Variants in GPC6 observed in about 807,000 individuals in gnomAD.
GPC6 encodes glypican-6.
GPC6 carries 14 observed loss-of-function variants against 55.2 expected under a neutral mutation model. The ratio of observed to expected loss-of-function variants is 0.25; its 90% CI spans 0.17 to 0.40. The LOEUF is 0.40. Ranked by LOEUF, GPC6 falls within the 10% of genes least tolerant of loss-of-function variation. The pLI is 1.00. For missense variants in GPC6, 641 were observed against 708.5 expected (o/e 0.90, Z 1.08); for synonymous variants, 278 against 259.6 (o/e 1.07, Z -0.68).
chr13:93,682,396 T>G (rs1230650177), intron 2 of GPC6, among the ~76,000 whole-genome samples: 1 of 152,096 alleles, frequency 6.6e-6, no homozygotes, highest in Admixed American at 6.6e-5. Context: ...TGGACCCTTA[T>G]GCGTACACAC....
intron 2 of GPC6, among the ~76,000 whole-genome samples, chr13:93,817,055 C>G (rs1342932928): frequency 1.3e-5 from 2 of 152,078 alleles, no homozygotes; most frequent in Non-Finnish European, 2.9e-5. Context: ...AGCATCAATC[C>G]TCATAGAATC....
At chr13:94,294,685 A>G (rs1300820951) in intron 5 of GPC6, among the ~76,000 whole-genome samples, 6 of 151,950 alleles carry the variant, frequency 3.9e-5, no homozygotes, top group Non-Finnish European at 8.8e-5. Flanking sequence ...GGAAAATAAT[A>G]TCTTGGAAAT....
At chr13:93,470,587 G>T (rs1879075721) in intron 1 of GPC6, among the ~76,000 whole-genome samples, 2 of 151,830 alleles carry the variant, frequency 1.3e-5, no homozygotes, top group Non-Finnish European at 2.9e-5. Context: ...TTACTTTTTT[G>T]TTCTTGTTTT....
chr13:93,612,169 A>G (rs1209897260), intron 2 of GPC6, among the ~76,000 whole-genome samples: 2 of 152,162 alleles, frequency 1.3e-5, no homozygotes, highest in Non-Finnish European at 2.9e-5. Context: ...TTGTGTTGCT[A>G]TAGTTTCCTT....
intron 1 of GPC6, among the ~76,000 whole-genome samples, chr13:93,493,616 G>C (rs1440186827): frequency 7.3e-6 from 1 of 137,492 alleles, no homozygotes; most frequent in African/African-American, 2.7e-5. Flanking sequence ...TGTGATGTTA[G>C]GGTGTCAATT....
At chr13:93,793,355 C>T (rs900342702) in intron 2 of GPC6, among the ~76,000 whole-genome samples, 1 of 152,168 alleles carries the variant, frequency 6.6e-6, no homozygotes, top group Non-Finnish European at 1.5e-5. Context: ...CTGTGAGATA[C>T]TAAACTATTC....
intron 4 of GPC6, among the ~76,000 whole-genome samples, chr13:94,076,810 A>G (rs182666318): frequency 2.1e-4 from 32 of 151,762 alleles, no homozygotes; most frequent in Middle Eastern, 3.4e-3. Context: ...TTATTTCTGG[A>G]ATCTCTATTC....
intron 4 of GPC6, among the ~76,000 whole-genome samples, chr13:94,165,649 A>T (rs573275393): frequency 1.5e-3 from 226 of 151,390 alleles, no homozygotes; most frequent in African/African-American, 3.8e-3. Context: ...GGAAATAAAA[A>T]TTTTTTTTAA....
rs538257430 is a variant in GPC6 at position 94,239,672 on chromosome 13, G to A, written c.878-46677G>A. 5.3e-5 allele frequency among the ~76,000 whole-genome samples: 8 copies of A among 152,202 alleles called. No individual in the cohort carries two copies. In the South Asian group the frequency reaches 1.5e-3, roughly 28 times the overall value. ...ATGTGAATTATGAATTTATTCTTGC[G>A]AAATGATAGTTTCCTGGGAATCTTA... On this transcript the variant is annotated intron_variant, in intron 4 of 8. Coordinates refer to ENST00000377047, the MANE Select transcript of GPC6 (RefSeq NM_005708.5).
chr13:93,630,692 T>C (rs753116569), intron 2 of GPC6, among the ~76,000 whole-genome samples: 1 of 152,172 alleles, frequency 6.6e-6, no homozygotes, highest in Non-Finnish European at 1.5e-5. Flanking sequence ...GGATAATCTA[T>C]AGCAGCAACT....
intron 2 of GPC6, among the ~76,000 whole-genome samples, chr13:93,661,948 G>C (rs1880939007): frequency 6.6e-6 from 1 of 152,128 alleles, no homozygotes; most frequent in Non-Finnish European, 1.5e-5. Flanking sequence ...TTTTCAATGA[G>C]AGTAGCCATG....
chr13:93,223,344 T>G (rs1427249016), upstream of GPC6, among the ~76,000 whole-genome samples: 2 of 152,172 alleles, frequency 1.3e-5, no homozygotes, highest in East Asian at 3.9e-4. Flanking sequence ...CCAGCTGGGA[T>G]GTGAAAGTAC....
At chr13:93,447,850 G>T (rs1363648063) in intron 1 of GPC6, among the ~76,000 whole-genome samples, 1 of 152,110 alleles carries the variant, frequency 6.6e-6, no homozygotes, top group Non-Finnish European at 1.5e-5. Context: ...TTATCAAAGG[G>T]TTTTTCAGAA....
rs183298983 is a variant in GPC6 at position 93,853,912 on chromosome 13, C to G, written c.711+23367C>G. On this transcript the variant is annotated intron_variant, in intron 3 of 8. Coordinates refer to ENST00000377047, the MANE Select transcript of GPC6 (RefSeq NM_005708.5). Reference sequence around the variant, plus strand: ...AGTCAATGAAACACAGTAACATGTTCACAGGGACAAGATAAAATGACTGTA... The same window carrying G: ...AGTCAATGAAACACAGTAACATGTTGACAGGGACAAGATAAAATGACTGTA... Among the ~76,000 whole-genome samples, 311 of 151,738 alleles carry G rather than the reference C, an allele frequency of 2.0e-3. 2 individuals are homozygous for G. Among genetic ancestry groups the G allele is most frequent in the African/African-American group, 7.3e-3 (303 of 41,458 alleles).
intron 5 of GPC6, among the ~76,000 whole-genome samples, chr13:94,294,308 A>G (rs895179038): frequency 4.6e-5 from 7 of 152,176 alleles, no homozygotes; most frequent in African/African-American, 1.2e-4. Flanking sequence ...TTACATTCCA[A>G]TTGAAACCAT....
At chr13:93,309,906 TA>T (rs1879007635) in intron 1 of GPC6, among the ~76,000 whole-genome samples, 1 of 152,226 alleles carries the variant, frequency 6.6e-6, no homozygotes, top group African/African-American at 2.4e-5. Flanking sequence ...TAAGAGCATC[TA>T]CTTGTATTGT....
chr13:93,669,643 G>A (rs1479511711), intron 2 of GPC6, among the ~76,000 whole-genome samples: 2 of 152,108 alleles, frequency 1.3e-5, no homozygotes, highest in Non-Finnish European at 2.9e-5. Context: ...GCAGGAAGTG[G>A]GGTTGAAGCT....
chr13:93,450,492 A>G (rs966110017), intron 1 of GPC6, among the ~76,000 whole-genome samples: 1 of 152,234 alleles, frequency 6.6e-6, no homozygotes, highest in African/African-American at 2.4e-5. Flanking sequence ...GTGTAAACTT[A>G]GAAAAACTTC....
chr13:94,133,388 A>G (rs1887073525), intron 4 of GPC6, among the ~76,000 whole-genome samples: 1 of 152,102 alleles, frequency 6.6e-6, no homozygotes, highest in East Asian at 1.9e-4. Context: ...AAGTACAGCC[A>G]CAATATAATG....
Sources: allele counts gnomAD v4.1 joint callset (sites outside exome capture counted in the v4.1 genomes callset), GRCh38; gene constraint gnomAD v4.1.1; transcripts MANE v1.5; gene names NCBI Gene and HGNC (gene_info 2026-07-23, HGNC 2026-07-21).